Variants in TRIO observed in about 807,000 individuals in gnomAD.
TRIO encodes the protein triple functional domain protein.
In TRIO, 58 loss-of-function variants were observed where a neutral mutation model predicts 351.9. That is an observed-to-expected ratio of 0.16 (90% CI 0.13 to 0.21). The LOEUF (loss-of-function observed/expected upper bound fraction) is 0.21, where lower values mean the gene tolerates loss of function less well. Among genes scored for constraint, TRIO ranks in the 10% least tolerant of loss-of-function variants. The pLI is 1.00. For synonymous variants in TRIO, 1,758 were observed against 1,595.7 expected (o/e 1.10, Z -2.42); for missense variants, 3,201 against 4,027.8 (o/e 0.79, Z 5.56).
At chr5:14,489,681 A>G (rs564913646) in intron 48 of TRIO, among the ~76,000 whole-genome samples, 9 of 152,362 alleles carry the variant, frequency 5.9e-5, no homozygotes, top group African/African-American at 1.7e-4. Context: ...AACTGCTCCA[A>G]GACAGGAGCC....
At chr5:14,351,716 C>A (rs1450636708) in intron 11 of TRIO, among the ~76,000 whole-genome samples, 3 of 152,186 alleles carry the variant, frequency 2.0e-5, no homozygotes, top group Admixed American at 2.0e-4. Flanking sequence ...AGGATAAGGA[C>A]CCCAGGAGAT....
chr5:14,228,458 A>G (rs1285519975), intron 1 of TRIO, among the ~76,000 whole-genome samples: 1 of 152,260 alleles, frequency 6.6e-6, no homozygotes, highest in Non-Finnish European at 1.5e-5. Context: ...AGTGCATAGC[A>G]TAACTGCAGC....
chr5:14,411,339 A>G (rs144277495), intron 33 of TRIO, among the ~76,000 whole-genome samples: 219 of 152,362 alleles, frequency 1.4e-3, no homozygotes, highest in African/African-American at 5.1e-3. Flanking sequence ...AATAGAAAAC[A>G]TGGAACTCAA....
chr5:14,191,379 G>A (rs1790447927), intron 1 of TRIO, among the ~76,000 whole-genome samples: 1 of 152,038 alleles, frequency 6.6e-6, no homozygotes, highest in Admixed American at 6.6e-5. Context: ...ATTGCTTGGG[G>A]TCAGGAGTTT....
At chr5:14,298,027 G>A (rs968624299) in intron 7 of TRIO, among the ~76,000 whole-genome samples, 8 of 152,246 alleles carry the variant, frequency 5.3e-5, no homozygotes, top group Non-Finnish European at 1.0e-4. Flanking sequence ...GGGAAAGGGT[G>A]GATCTGGTGT....
chr5:14,286,841 C>G lies in TRIO; in HGVS notation c.348-30C>G, dbSNP rs192465021. ...AGGCAGAGTGGCAAGAGATGTAACCCGTCTTCAGCCATGTTTTCTTTCTCT... is the reference window on the plus strand; with the variant it reads ...AGGCAGAGTGGCAAGAGATGTAACCGGTCTTCAGCCATGTTTTCTTTCTCT... On this transcript the variant is annotated intron_variant, in intron 3 of 56. Transcript: ENST00000344204. This position sits in a 1 kb window ranked among gnomAD's most constrained non-coding sequence, Gnocchi z 4.4. 1 of 1,597,012 alleles carries G rather than the reference C, an allele frequency of 6.3e-7. No homozygotes were observed. The highest frequency in any genetic ancestry group is 1.1e-5 in the South Asian group (1 of 88,404).
chr5:14,159,081 G>C (rs903567663), intron 1 of TRIO, among the ~76,000 whole-genome samples: 3 of 152,124 alleles, frequency 2.0e-5, no homozygotes. Flanking sequence ...TTCTGCCGGG[G>C]GTGGAATCCG....
chr5:14,297,026 T>A, intron 6 of TRIO, 46 bp from the exon 7 acceptor site: 1 of 1,549,174 alleles, frequency 6.5e-7, no homozygotes, highest in Non-Finnish European at 8.8e-7. Context: ...GGGAGCCTCC[T>A]ATTTGCTCTC....
At chr5:14,299,358 A>G (rs1737657120) in intron 7 of TRIO, among the ~76,000 whole-genome samples, 1 of 152,204 alleles carries the variant, frequency 6.6e-6, no homozygotes, top group African/African-American at 2.4e-5. Flanking sequence ...TGGCCAGAGA[A>G]GAAGCCAAAT....
At chr5:14,456,012 G>A (rs987211207) in intron 34 of TRIO, among the ~76,000 whole-genome samples, 9 of 152,272 alleles carry the variant, frequency 5.9e-5, no homozygotes, top group African/African-American at 1.2e-4. Context: ...CCTGCCCCGC[G>A]GGGAGGTGGC....
chr5:14,209,025 T>A (rs977544284), intron 1 of TRIO, among the ~76,000 whole-genome samples: 4 of 152,246 alleles, frequency 2.6e-5, no homozygotes, highest in African/African-American at 7.2e-5. Flanking sequence ...TGAATATTTT[T>A]AAAATAGTGC....
chr5:14,210,030 T>C (rs1446690271), intron 1 of TRIO, among the ~76,000 whole-genome samples: 1 of 152,074 alleles, frequency 6.6e-6, no homozygotes, highest in Non-Finnish European at 1.5e-5. Flanking sequence ...CCTGGTGCCG[T>C]GGGAGCCCTG....
At chr5:14,458,057 T>TA (rs1753497849) in intron 34 of TRIO, among the ~76,000 whole-genome samples, 1 of 151,188 alleles carries the variant, frequency 6.6e-6, no homozygotes, top group African/African-American at 2.4e-5. Context: ...TTTTTTTTTT[T>TA]CCTCCATCAG....
At chr5:14,143,990 C>G (rs992801293) in intron 1 of TRIO, 108 bp downstream of exon 1, 2 of 848,206 alleles carry the variant, frequency 2.4e-6, no homozygotes, top group African/African-American at 1.8e-5. Context: ...CCCGCCCGTC[C>G]GTCCGTCGGG....
chr5:14,404,993 A>G (rs1409615140), intron 31 of TRIO, among the ~76,000 whole-genome samples: 5 of 152,132 alleles, frequency 3.3e-5, no homozygotes, highest in African/African-American at 7.2e-5. Context: ...TGCTTATATC[A>G]TAGGAGATTG....
chr5:14,161,353 G>A (rs563784350), intron 1 of TRIO, among the ~76,000 whole-genome samples: 2 of 152,206 alleles, frequency 1.3e-5, no homozygotes, highest in African/African-American at 2.4e-5. Flanking sequence ...TCTTCTTCCT[G>A]GTTTCCCTTC....
At chr5:14,288,853 T>G (rs1435137201) in intron 4 of TRIO, among the ~76,000 whole-genome samples, 1 of 152,184 alleles carries the variant, frequency 6.6e-6, no homozygotes, top group African/African-American at 2.4e-5. Flanking sequence ...TCTTTCTCCT[T>G]CACCTTTGTC....
intron 8 of TRIO, among the ~76,000 whole-genome samples, chr5:14,312,491 C>T (rs919580595): frequency 6.6e-6 from 1 of 152,034 alleles, no homozygotes; most frequent in Non-Finnish European, 1.5e-5. Context: ...CTTCAAGTTC[C>T]CCAGCTGTGT....
intron 1 of TRIO, among the ~76,000 whole-genome samples, chr5:14,176,529 C>G (rs569496017): frequency 2.6e-5 from 4 of 152,314 alleles, no homozygotes; most frequent in African/African-American, 7.2e-5. Flanking sequence ...TCACTGCTCA[C>G]TGCAGCCTCG....
Sources: allele counts gnomAD v4.1 joint callset (sites outside exome capture counted in the v4.1 genomes callset), GRCh38; gene constraint gnomAD v4.1.1; non-coding constraint Gnocchi (gnomAD v3.1); transcripts MANE v1.5; gene names NCBI Gene and HGNC (gene_info 2026-07-23, HGNC 2026-07-21).